The following CPQ variants were observed in gnomAD, a reference collection of about 807,000 sequenced individuals.
The protein encoded by CPQ is carboxypeptidase Q, also known as Ser-Met dipeptidase.
Under a neutral mutation model 45.7 loss-of-function variants are expected in CPQ, and 37 were observed. That is an observed-to-expected ratio of 0.81 (90% CI 0.62 to 1.07). CPQ has a LOEUF of 1.07. Among genes scored for constraint, CPQ ranks in the 50% least tolerant of loss-of-function variants. The probability of loss-of-function intolerance (pLI) is 0.00; values close to 1 mark genes in which losing one functional copy is unlikely to be tolerated. For missense variants in CPQ, 537 were observed against 572.9 expected (o/e 0.94, Z 0.64); for synonymous variants, 186 against 205.8 (o/e 0.90, Z 0.82).
intron 1 of CPQ, among the ~76,000 whole-genome samples, chr8:96,659,859 G>A (rs1815679405): frequency 6.6e-6 from 1 of 152,084 alleles, no homozygotes; most frequent in Non-Finnish European, 1.5e-5. Flanking sequence ...CTGTCATTAC[G>A]CTAGTCCTAA....
chr8:97,111,021 A>G (rs1811490593), intron 7 of CPQ, among the ~76,000 whole-genome samples: 1 of 152,188 alleles, frequency 6.6e-6, no homozygotes, highest in South Asian at 2.1e-4. Context: ...TTTCCAACAT[A>G]AAAAATAGCT....
At chr8:96,881,572 C>A (rs1418895798) in intron 4 of CPQ, among the ~76,000 whole-genome samples, 3 of 152,162 alleles carry the variant, frequency 2.0e-5, no homozygotes, top group Admixed American at 2.0e-4. Flanking sequence ...TATGAAGTTT[C>A]TTCATTTTAT....
intron 1 of CPQ, among the ~76,000 whole-genome samples, chr8:96,755,513 A>G (rs1389530197): frequency 2.0e-5 from 3 of 151,898 alleles, no homozygotes; most frequent in Non-Finnish European, 4.4e-5. Context: ...GTTTTGCTGC[A>G]TTGTGATTAA....
intron 3 of CPQ, among the ~76,000 whole-genome samples, chr8:96,872,436 T>C (rs896852478): frequency 6.6e-6 from 1 of 151,954 alleles, no homozygotes; most frequent in African/African-American, 2.4e-5. Flanking sequence ...TCCCATAGCT[T>C]ATACGGTACC....
rs569208068 is a variant in CPQ, at chr8:96,797,220, G to C, written c.433+11890G>C. ...TCTTGTTCAAGTGCAAAAAATTGGT[G>C]ACACTTAAATTACTTCTAGAACCCT... is the stretch of plus-strand genomic sequence containing the variant. On this transcript the variant is annotated intron_variant, in intron 2 of 7. Coordinates refer to ENST00000220763, the MANE Select transcript of CPQ (RefSeq NM_016134.4). Among the ~76,000 whole-genome samples the C allele has an allele frequency of 7.4e-4, 113 of 152,262 alleles. 1 individual carries two copies. Among genetic ancestry groups the C allele is most frequent in the African/African-American group, 2.6e-3 (110 of 41,556 alleles).
At position 96,684,134 on chromosome 8, in the gene CPQ, T is replaced by C. The variant is rs938363368; in HGVS notation, c.-35+38732T>C. ...TTTTTGTGTTTTTTGTATCCTTACA[T>C]TGATTTCAGTGCATCTGACATAACA... On this transcript the variant is annotated intron_variant, in intron 1 of 7. Transcript: ENST00000220763. 3.3e-5 allele frequency among the ~76,000 whole-genome samples: 5 copies of C among 152,252 alleles called. No individual in the cohort carries two copies. In the South Asian group the frequency reaches 6.2e-4, roughly 19 times the overall value.
rs184722217 is a variant in CPQ, at chr8:96,937,148, A to G, written c.850-28787A>G. Among the ~76,000 whole-genome samples, 465 of 152,232 alleles carry G rather than the reference A, an allele frequency of 3.1e-3. 1 individual carries two copies. Among genetic ancestry groups the G allele is most frequent in the African/African-American group, 9.6e-3 (401 of 41,564 alleles). On this transcript the variant is annotated intron_variant, in intron 4 of 7. Coordinates refer to ENST00000220763, the MANE Select transcript of CPQ (RefSeq NM_016134.4). ...TTTTTGAGAGGTTACACACAAGTAA[A>G]TGGGCAATTTCAATATAGTATAATA...
rs1036728584 is a variant in CPQ, at chr8:96,695,768, G to A, written c.-35+50366G>A. On this transcript the variant is annotated intron_variant, in intron 1 of 7. Coordinates refer to ENST00000220763, the MANE Select transcript of CPQ (RefSeq NM_016134.4). ...ACCATTTCACACCAGTTAGAATGGC[G>A]ATCATTAAAAAGTCAGGGAACAACA... Among the ~76,000 whole-genome samples, 43 of 151,248 alleles carry A rather than the reference G, an allele frequency of 2.8e-4. 1 individual carries two copies. The highest frequency in any genetic ancestry group is 1.9e-3 in the East Asian group (10 of 5,188).
At chr8:97,007,497 A>G (rs1029897449) in intron 5 of CPQ, among the ~76,000 whole-genome samples, 1 of 152,362 alleles carries the variant, frequency 6.6e-6, no homozygotes, top group Admixed American at 6.5e-5. Flanking sequence ...TGTTAATGGA[A>G]GATAATGATT....
intron 2 of CPQ, among the ~76,000 whole-genome samples, chr8:96,822,274 A>G: frequency 6.6e-6 from 1 of 151,962 alleles, no homozygotes; most frequent in Non-Finnish European, 1.5e-5. Flanking sequence ...TTGTGCCTAT[A>G]TACCACATTT....
At chr8:96,761,910 A>C (rs1274024757) in intron 1 of CPQ, among the ~76,000 whole-genome samples, 1 of 152,216 alleles carries the variant, frequency 6.6e-6, no homozygotes, top group Non-Finnish European at 1.5e-5. Flanking sequence ...CCTTCTGAAC[A>C]TAGCAAATAT....
chr8:97,078,844 C>T (rs1352341524), intron 7 of CPQ, among the ~76,000 whole-genome samples: 1 of 150,684 alleles, frequency 6.6e-6, no homozygotes, highest in Non-Finnish European at 1.5e-5. Context: ...CTCACCCAGG[C>T]TGGAGTGCAA....
chr8:97,012,730 T>C (rs1809511448), intron 5 of CPQ, among the ~76,000 whole-genome samples: 1 of 152,178 alleles, frequency 6.6e-6, no homozygotes, highest in African/African-American at 2.4e-5. Context: ...TAACAGCTTT[T>C]ACTTAGAAGA....
intron 5 of CPQ, among the ~76,000 whole-genome samples, chr8:97,022,289 T>C (rs1400209372): frequency 6.6e-6 from 1 of 152,102 alleles, no homozygotes; most frequent in Non-Finnish European, 1.5e-5. Context: ...TTCCAGAAGA[T>C]AACATTGGAA....
At chr8:96,669,939 A>G (rs753566402) in intron 1 of CPQ, among the ~76,000 whole-genome samples, 2 of 152,204 alleles carry the variant, frequency 1.3e-5, no homozygotes, top group African/African-American at 4.8e-5. Flanking sequence ...ATTTTTCTCA[A>G]CTGGTCAATG....
At chr8:97,007,693 A>C (rs1481648871) in intron 5 of CPQ, among the ~76,000 whole-genome samples, 2 of 152,218 alleles carry the variant, frequency 1.3e-5, no homozygotes, top group Non-Finnish European at 2.9e-5. Context: ...TTTAGTGTAT[A>C]TGGTGATCTA....
intron 4 of CPQ, among the ~76,000 whole-genome samples, chr8:96,956,350 G>T (rs116543532): frequency 0.016 from 2,489 of 152,162 alleles, 64 homozygotes; most frequent in African/African-American, 0.056. Context: ...CTTCATGTTA[G>T]CTTTGGAATT....
intron 3 of CPQ, among the ~76,000 whole-genome samples, chr8:96,849,209 G>C (rs768194849): frequency 2.6e-5 from 4 of 152,156 alleles, no homozygotes; most frequent in Non-Finnish European, 4.4e-5. Flanking sequence ...TAGAGGTTGT[G>C]TTCGCAATAG....
At chr8:96,988,580 C>T (rs568942893) in intron 5 of CPQ, among the ~76,000 whole-genome samples, 134 of 152,250 alleles carry the variant, frequency 8.8e-4, no homozygotes, top group Non-Finnish European at 1.6e-3. Context: ...TTGTTGACCT[C>T]GCAAACTTAG....
Sources: gnomAD v4.1 joint callset for allele counts (sites outside exome capture counted in the v4.1 genomes callset) on GRCh38, gnomAD v4.1.1 for gene constraint, MANE v1.5 for transcripts, NCBI Gene and HGNC (gene_info 2026-07-23, HGNC 2026-07-21) for gene names.